Variants in RELA observed in about 807,000 individuals in gnomAD.
RELA encodes the protein RELA proto-oncogene, NF-kB subunit.
A neutral mutation model predicts 56.7 loss-of-function variants in RELA; 14 were observed. That is an observed-to-expected ratio of 0.25 (90% CI 0.16 to 0.39). The LOEUF is 0.39. RELA is among the 10% of genes least tolerant of loss of function. The probability of loss-of-function intolerance (pLI) is 1.00; values close to 1 mark genes in which losing one functional copy is unlikely to be tolerated. For missense variants in RELA, 559 were observed against 736.4 expected (o/e 0.76, Z 2.79); for synonymous variants, 315 against 289.7 (o/e 1.09, Z -0.89).
Position 65,655,924 on chromosome 11 carries a change from G to A in RELA, c.889C>T (p.Arg297Trp), listed in dbSNP as rs755884402. The change falls in exon 9 of 11, where the codon CGG becomes TGG. Residue 297 changes from arginine to tryptophan, a missense_variant. This residue lies in a region of RELA where 365 missense variants were observed against 387.5 expected (regional missense o/e 0.94). Transcript: ENST00000406246. ...GTCCTTTTACGTTTCTCCTCAATCC[G>A]GTGACGATCGTCTGGGAAAGTAAGG... is the stretch of plus-strand genomic sequence containing the variant. ...QYLPDTDDRHRIEEKRKRTYE... is the reference protein window; with the variant it reads ...QYLPDTDDRHWIEEKRKRTYE... 1.9e-5 allele frequency: 30 copies of A among 1,613,886 alleles called. No individual in the cohort carries two copies. Among genetic ancestry groups the A allele is most frequent in the African/African-American group, 2.7e-5 (2 of 74,876 alleles).
chr11:65,659,898 T>G, intron 5 of RELA, 101 bp from the exon 6 acceptor site: 1 of 1,441,138 alleles, frequency 6.9e-7, no homozygotes, highest in Non-Finnish European at 9.3e-7. Flanking sequence ...CTGGTGCGTG[T>G]GTGAAACACA....
Position 65,658,920 on chromosome 11 carries a change from G to A in RELA, c.560-98C>T. The A allele has an allele frequency of 4.0e-6, 4 of 996,280 alleles. No homozygotes were observed. The highest frequency in any genetic ancestry group is 4.8e-6 in the Non-Finnish European group (3 of 628,934). The allele number at this position is 996,280 out of a possible 1,614,324, so 61.7% of individuals were successfully genotyped here. A position where few individuals can be genotyped will look rare whatever the true frequency, so the allele number is the denominator to read the frequency against. ...CTTCCCTGCCCAGCCCAGAGTCAAGGTTGCCCAGAGCTTGCCACCTACACC... is the reference window on the plus strand; with the variant it reads ...CTTCCCTGCCCAGCCCAGAGTCAAGATTGCCCAGAGCTTGCCACCTACACC... On this transcript the variant is annotated intron_variant, in intron 6 of 10. Transcript: ENST00000406246. This position sits in a 1 kb window ranked among gnomAD's most constrained non-coding sequence, Gnocchi z 4.5.
At chr11:65,659,607 C>T in intron 6 of RELA, 59 bp downstream of exon 6, 3 of 1,604,406 alleles carry the variant, frequency 1.9e-6, no homozygotes, top group Non-Finnish European at 2.6e-6. Context: ...CTCACCCCAA[C>T]CCCCTTCCTC....
Position 65,655,877 on chromosome 11 carries a change from G to A in RELA, c.936C>T (p.Ile312=). The A allele has an allele frequency of 6.2e-7, 1 of 1,614,116 alleles. No individual in the cohort carries two copies. Among genetic ancestry groups the A allele is most frequent in the East Asian group, 2.2e-5 (1 of 44,888 alleles). Reference sequence around the variant, plus strand: ...CACCGCTGAAAGGACTCTTCTTCATGATGCTCTTGAAGGTCTCATATGTCC... The same window carrying A: ...CACCGCTGAAAGGACTCTTCTTCATAATGCTCTTGAAGGTCTCATATGTCC... The part of the protein sequence containing the change: ...RKRTYETFKS[I]MKKSPFSGPT... The change falls in exon 9 of 11, where the codon ATC becomes ATT. Residue 312 remains isoleucine, a synonymous_variant. Transcript: ENST00000406246.
Position 65,661,786 on chromosome 11 carries a change from T to C in RELA, c.236A>G (p.Lys79Arg), listed in dbSNP as rs1480907469. The change falls in exon 4 of 11, where the codon AAG (lysine) becomes AGG (arginine). Residue 79 changes from lysine to arginine, a missense_variant. By Grantham distance (26) the Lys-to-Arg change is conservative. Coordinates refer to ENST00000406246, the MANE Select transcript of RELA (RefSeq NM_021975.4). ...PGTVRISLVT[K>R]DPPHRPHPHE... ...GGGGTGAGGCCGGTGAGGAGGGTCC[T>C]TGGTGACCAGGGAGATGCGCACTGT... 21 of 1,613,804 alleles carry C rather than the reference T, an allele frequency of 1.3e-5. No homozygotes were observed. The South Asian group carries it at 1.3e-4, about 10-fold the overall frequency.
intron 4 of RELA, chr11:65,660,477 G>C (rs963782410): frequency 2.3e-5 from 12 of 532,324 alleles, no homozygotes; most frequent in Non-Finnish European, 4.0e-5. Context: ...CTAAACACAG[G>C]ACACTCATTC....
rs1355710253 is a variant in RELA at position 65,658,092 on chromosome 11, G to A, written c.877+195C>T. 2.0e-5 allele frequency among the ~76,000 whole-genome samples: 3 copies of A among 152,218 alleles called. No individual in the cohort carries two copies. The highest frequency in any genetic ancestry group is 3.8e-4 in the East Asian group (2 of 5,202). On this transcript the variant is annotated intron_variant, in intron 8 of 10. Transcript: ENST00000406246. The surrounding 1 kb of genome is among the most constrained non-coding windows in gnomAD (Gnocchi z 4.5). ...ATCCAGTGAAGTGCCTGGAATAGGG[G>A]CAGATGTGTAGTACTAGCTCAATGT...
upstream of RELA, among the ~76,000 whole-genome samples, chr11:65,663,427 A>G (rs1157286672): frequency 6.6e-6 from 1 of 152,044 alleles, no homozygotes; most frequent in Non-Finnish European, 1.5e-5. Context: ...CCCAATCTAG[A>G]TGCGGCTGTG....
Position 65,660,221 on chromosome 11 carries a change from C to G in RELA, c.336-6G>C. 6.2e-7 allele frequency: 1 copy of G among 1,613,850 alleles called. No individual in the cohort carries two copies. Among genetic ancestry groups the G allele is most frequent in the Non-Finnish European group, 8.5e-7 (1 of 1,179,772 alleles). ...GGATTCCCAGGTTCTGGAAACTGAG[C>G]GCCCCCAGTCGTCTGTCCCACTGTC... On this transcript the variant is annotated splice_region_variant and splice_polypyrimidine_tract_variant and intron_variant, in intron 4 of 10. Coordinates refer to ENST00000406246, the MANE Select transcript of RELA (RefSeq NM_021975.4).
At chr11:65,662,537 C>T (rs1261656447) in intron 1 of RELA, 3 of 428,230 alleles carry the variant, frequency 7.0e-6, no homozygotes, top group Non-Finnish European at 1.2e-5. Flanking sequence ...AATAGGGAAA[C>T]GAAGCCAGAG....
Position 65,655,933 on chromosome 11 carries a change from C to A in RELA, c.880G>T (p.Asp294Tyr). The A allele has an allele frequency of 2.5e-6, 4 of 1,614,036 alleles. No homozygotes were observed. The highest frequency in any genetic ancestry group is 3.4e-6 in the Non-Finnish European group (4 of 1,179,974). The change falls in exon 9 of 11, where the codon GAT becomes TAT. Residue 294 changes from aspartate to tyrosine, a missense_variant and splice_region_variant. Physicochemically the swap from Asp to Tyr is radical, Grantham distance 160. This residue lies in a region of RELA where 365 missense variants were observed against 387.5 expected (regional missense o/e 0.94). Transcript: ENST00000406246. The stretch of plus-strand genomic sequence containing the variant: ...CGTTTCTCCTCAATCCGGTGACGAT[C>A]GTCTGGGAAAGTAAGGGGGAGAAGT... ...MEFQYLPDTDDRHRIEEKRKR... is the reference protein window; with the variant it reads ...MEFQYLPDTDYRHRIEEKRKR...
intron 1 of RELA, 97 bp from the exon 2 acceptor site, chr11:65,662,302 C>T (rs1856591675): frequency 1.4e-6 from 2 of 1,393,474 alleles, no homozygotes; most frequent in Admixed American, 6.5e-5. Context: ...AGGCTCCCTC[C>T]CAGGGGAACT....
At position 65,654,949 on chromosome 11, in the gene RELA, T is replaced by A; in HGVS notation, c.1085A>T (p.Glu362Val). Residue 362 changes from glutamate to valine, a missense_variant, in exon 11 of 11, where the codon GAG becomes GTG. Glu to Val is a moderately radical substitution (Grantham distance 121). This residue lies in a region of RELA where 365 missense variants were observed against 387.5 expected (regional missense o/e 0.94). Transcript: ENST00000406246. ...TSSLSTINYD[E>V]FPTMVFPSGQ... ...AGAAGGAAACACCATGGTGGGAAAC[T>A]CATCATAGTTGATGGTGCTCAGGGA... The A allele has an allele frequency of 6.2e-7, 1 of 1,604,428 alleles. No individual in the cohort carries two copies. Among genetic ancestry groups the A allele is most frequent in the Non-Finnish European group, 8.5e-7 (1 of 1,176,104 alleles).
At chr11:65,661,540 A>G (rs1188219440) in intron 4 of RELA, 147 bp downstream of exon 4, 1 of 683,544 alleles carries the variant, frequency 1.5e-6, no homozygotes, top group Non-Finnish European at 2.4e-6. Flanking sequence ...TAATTTCAAG[A>G]CAAAGGCAGT....
At position 65,661,818 on chromosome 11, in the gene RELA, T is replaced by C. The variant is rs749175096; in HGVS notation, c.204A>G (p.Gly68=). 6 of 1,612,616 alleles carry C rather than the reference T, an allele frequency of 3.7e-6. No homozygotes were observed. Among genetic ancestry groups the C allele is most frequent in the Non-Finnish European group, 5.1e-6 (6 of 1,179,168 alleles). ...HPTIKINGYT[G]PGTVRISLVT... is the part of the protein sequence containing the mutation. ...CCAGGGAGATGCGCACTGTCCCTGG[T>C]CCTGTGTAGCCATTGATCTGTCCAA... Residue 68 remains glycine, a synonymous_variant, in exon 4 of 11, where the codon GGA becomes GGG. Coordinates refer to ENST00000406246, the MANE Select transcript of RELA (RefSeq NM_021975.4).
chr11:65,660,057 G>A, intron 5 of RELA, 67 bp downstream of exon 5: 1 of 1,465,638 alleles, frequency 6.8e-7, no homozygotes. Flanking sequence ...CAGTGAGGGA[G>A]ATGCAGGAAA....
At chr11:65,659,515 A>C in intron 6 of RELA, 151 bp downstream of exon 6, 1 of 1,053,388 alleles carries the variant, frequency 9.5e-7, no homozygotes, top group South Asian at 1.5e-5. Flanking sequence ...CTCTCTCCCC[A>C]GCCAACAAAG....
Position 65,658,474 on chromosome 11 carries a change from T to G in RELA, c.690A>C (p.Gly230=). The change falls in exon 8 of 11, where the codon GGA becomes GGC. Residue 230 remains glycine, a synonymous_variant. Coordinates refer to ENST00000406246, the MANE Select transcript of RELA (RefSeq NM_021975.4). This position sits in a 1 kb window ranked among gnomAD's most constrained non-coding sequence, Gnocchi z 4.5. The part of the protein sequence containing the change: ...QKEDIEVYFT[G]PGWEARGSFS... ...AGGAGCCTCGGGCCTCCCAGCCTGGTCCCGTGAAATACACCTCAATGTCCT... is the reference window on the plus strand; with the variant it reads ...AGGAGCCTCGGGCCTCCCAGCCTGGGCCCGTGAAATACACCTCAATGTCCT... 6.2e-7 allele frequency: 1 copy of G among 1,611,084 alleles called. No individual in the cohort carries two copies. Among genetic ancestry groups the G allele is most frequent in the Non-Finnish European group, 8.5e-7 (1 of 1,177,890 alleles).
Position 65,654,630 on chromosome 11 carries a change from G to C in RELA, c.1404C>G (p.Ser468=). 1 of 1,605,130 alleles carries C rather than the reference G, an allele frequency of 6.2e-7. No individual in the cohort carries two copies. The highest frequency in any genetic ancestry group is 1.1e-5 in the South Asian group (1 of 89,614). ...GCTGCTGAAACTCGGAGTTGTCGAC[G>C]GATGCCAGGTCTGTGAACACAGCTG... ...TDPAVFTDLA[S]VDNSEFQQLL... Residue 468 remains serine (S), a synonymous_variant, in exon 11 of 11, where the codon TCC becomes TCG. Coordinates refer to ENST00000406246, the MANE Select transcript of RELA (RefSeq NM_021975.4).
Sources: allele counts gnomAD v4.1 joint callset (sites outside exome capture counted in the v4.1 genomes callset), GRCh38; gene constraint gnomAD v4.1.1; regional missense constraint gnomAD v4.1.1; non-coding constraint Gnocchi (gnomAD v3.1); transcripts MANE v1.5; gene names NCBI Gene and HGNC (gene_info 2026-07-23, HGNC 2026-07-21).